The following FIP1L1 variants were observed in gnomAD, a reference collection of about 807,000 sequenced individuals.
The protein encoded by FIP1L1 is factor interacting with PAPOLA and CPSF1.
A neutral mutation model predicts 84.6 loss-of-function variants in FIP1L1; 21 were observed. The observed-to-expected ratio is 0.25, with a 90% CI of 0.18 to 0.36. The LOEUF (loss-of-function observed/expected upper bound fraction) is 0.36. FIP1L1 is among the 10% of genes least tolerant of loss of function. The probability of loss-of-function intolerance (pLI) is 1.00; values close to 1 mark genes in which losing one functional copy is unlikely to be tolerated. For synonymous variants in FIP1L1, 263 were observed against 242.3 expected (o/e 1.09, Z -0.80); for missense variants, 526 against 751.1 (o/e 0.70, Z 3.50).
chr4:53,377,789 G>A lies in FIP1L1; in HGVS notation c.-50G>A. 1 of 1,492,708 alleles carries A rather than the reference G, an allele frequency of 6.7e-7. No homozygotes were observed. The highest frequency in any genetic ancestry group is 1.3e-5 in the South Asian group (1 of 76,942). 92.5% of individuals were successfully genotyped at this position (1,492,708 alleles called of 1,614,324 possible). ...CTCGGGGCTGCGAGGCTGGGGAAGG[G>A]GTTGGAGGGGGCTGTTGATCGCCGC... On this transcript the variant is annotated 5_prime_UTR_variant, in exon 1 of 18. Coordinates refer to ENST00000337488, the MANE Select transcript of FIP1L1 (RefSeq NM_030917.4).
At chr4:53,378,920 A>G in intron 1 of FIP1L1, 153 bp from the exon 2 acceptor site, 1 of 736,890 alleles carries the variant, frequency 1.4e-6, no homozygotes, top group Non-Finnish European at 2.2e-6. Context: ...TGAAATGTGA[A>G]TGTGTAGGAT....
At chr4:53,458,150 C>T (rs1409454898) in intron 16 of FIP1L1, among the ~76,000 whole-genome samples, 2 of 151,992 alleles carry the variant, frequency 1.3e-5, no homozygotes, top group Non-Finnish European at 1.5e-5. Flanking sequence ...TAGTAATAAA[C>T]CTAAAGTTTA....
chr4:53,387,848 G>T (rs1472846140), intron 5 of FIP1L1, among the ~76,000 whole-genome samples: 2 of 152,282 alleles, frequency 1.3e-5, no homozygotes, highest in South Asian at 2.1e-4. Flanking sequence ...TCTGAATTTG[G>T]ATTGTTAAAA....
rs532002055 is a variant in FIP1L1, at chr4:53,407,713, T to A, written c.816-6902T>A. 2.6e-5 allele frequency among the ~76,000 whole-genome samples: 4 copies of A among 152,334 alleles called. No individual in the cohort carries two copies. The South Asian group carries it at 8.3e-4, about 32-fold the overall frequency. ...TGCATATATATTTAGGATAGTTAGCTCTTCTTGTTGAATTGATCCCTTTAG... is the reference window on the plus strand; with the variant it reads ...TGCATATATATTTAGGATAGTTAGCACTTCTTGTTGAATTGATCCCTTTAG... On this transcript the variant is annotated intron_variant, in intron 10 of 17. Transcript: ENST00000337488.
At chr4:53,407,272 G>A (rs1363271783) in intron 10 of FIP1L1, among the ~76,000 whole-genome samples, 1 of 152,188 alleles carries the variant, frequency 6.6e-6, no homozygotes, top group African/African-American at 2.4e-5. Context: ...TATTTACCCA[G>A]TAGTCATTCA....
At chr4:53,391,962 T>C (rs1198898266) in intron 9 of FIP1L1, among the ~76,000 whole-genome samples, 4 of 152,194 alleles carry the variant, frequency 2.6e-5, no homozygotes, top group Non-Finnish European at 2.9e-5. Context: ...TCTTCAAAAA[T>C]CTTAGGCATT....
intron 17 of FIP1L1, 134 bp from the exon 18 acceptor site, chr4:53,459,168 T>A (rs529560788): frequency 1.1e-3 from 743 of 686,758 alleles, no homozygotes; most frequent in South Asian, 1.9e-3. Flanking sequence ...TTCCTCACAT[T>A]ATATTTATGA....
At chr4:53,425,801 T>C (rs1409417913) in intron 11 of FIP1L1, 71 bp from the exon 12 acceptor site, 7 of 1,106,102 alleles carry the variant, frequency 6.3e-6, no homozygotes, top group Non-Finnish European at 9.3e-6. Flanking sequence ...TGTTTTTATT[T>C]CTCACTGCTT....
intron 4 of FIP1L1, 58 bp downstream of exon 4, chr4:53,382,393 GT>G (rs2149278037): frequency 7.2e-7 from 1 of 1,394,704 alleles, no homozygotes; most frequent in East Asian, 2.3e-5. Context: ...TAGCTTCACA[GT>G]TTACATAGAA....
chr4:53,409,483 C>G (rs1056786546), intron 10 of FIP1L1, among the ~76,000 whole-genome samples: 1 of 152,208 alleles, frequency 6.6e-6, no homozygotes, highest in Non-Finnish European at 1.5e-5. Flanking sequence ...TGCCCGTTCT[C>G]AGATCTCCAG....
At position 53,459,405 on chromosome 4, in the gene FIP1L1, C is replaced by G. The variant is rs1181960343; in HGVS notation, c.1741C>G (p.Pro581Ala). The G allele has an allele frequency of 3.7e-6, 6 of 1,611,838 alleles. No homozygotes were observed. Among genetic ancestry groups the G allele is most frequent in the Non-Finnish European group, 5.1e-6 (6 of 1,179,278 alleles). Reference sequence around the variant, plus strand: ...AGAAGGAAAAGAAGCGGGCAGTGAGCCTGCCCCTGAACAGGAGAGCACCGA... The same window carrying G: ...AGAAGGAAAAGAAGCGGGCAGTGAGGCTGCCCCTGAACAGGAGAGCACCGA... The part of the protein sequence containing the change: ...SKEGKEAGSE[P>A]APEQESTEAT... Residue 581 changes from proline (P) to alanine (A), a missense_variant, in exon 18 of 18, where the codon CCT becomes GCT. Pro to Ala is a conservative substitution (Grantham distance 27). Around this residue, in one of 6 missense-constraint regions of FIP1L1, gnomAD observed 89 missense variants for 169.0 expected, o/e 0.53. Coordinates refer to ENST00000337488, the MANE Select transcript of FIP1L1 (RefSeq NM_030917.4).
chr4:53,425,909 ATAAC>A lies in FIP1L1; in HGVS notation c.964_967del (p.Thr322SerfsTer4). On this transcript the variant is annotated frameshift_variant, in exon 12 of 18. Coordinates refer to ENST00000337488, the MANE Select transcript of FIP1L1 (RefSeq NM_030917.4). LOFTEE classifies it high-confidence loss of function. ...GGCAATTGATGTTATCGGTCAGACT[ATAAC>A]TATCAGCCGAGTAGAAGGCAGGCGA... 6.2e-7 allele frequency: 1 copy of A among 1,612,238 alleles called. No homozygotes were observed. Among genetic ancestry groups the A allele is most frequent in the Non-Finnish European group, 8.5e-7 (1 of 1,178,644 alleles).
intron 16 of FIP1L1, 196 bp from the exon 17 acceptor site, chr4:53,458,457 C>T (rs1351647203): frequency 4.7e-5 from 20 of 430,018 alleles, no homozygotes; most frequent in Non-Finnish European, 6.6e-5. Context: ...TATTTATATT[C>T]TTAGCTCTAG....
In FIP1L1 at chr4:53,411,550, C is replaced by T. The variant is rs116679434; in HGVS notation, c.816-3065C>T. Among the ~76,000 whole-genome samples, 521 of 152,008 alleles carry T rather than the reference C, an allele frequency of 3.4e-3. 2 individuals are homozygous for T. Among genetic ancestry groups the T allele is most frequent in the African/African-American group, 8.8e-3 (363 of 41,452 alleles). On this transcript the variant is annotated intron_variant, in intron 10 of 17. Coordinates refer to ENST00000337488, the MANE Select transcript of FIP1L1 (RefSeq NM_030917.4). ...ATCTTTGAAAGTAAAATTGTATTGA[C>T]CTTAGGGAGAAAACAGTAAATGTTA... is the stretch of plus-strand genomic sequence containing the variant.
In FIP1L1 at chr4:53,459,428, C is replaced by T. The variant is rs746166595; in HGVS notation, c.1764C>T (p.Thr588=). 5.7e-5 allele frequency: 92 copies of T among 1,612,662 alleles called. No individual in the cohort carries two copies. Among genetic ancestry groups the T allele is most frequent in the Non-Finnish European group, 7.3e-5 (86 of 1,179,430 alleles). ...AGCCTGCCCCTGAACAGGAGAGCACCGAAGCTACACCTGCAGAATAGGCAT... is the reference window on the plus strand; with the variant it reads ...AGCCTGCCCCTGAACAGGAGAGCACTGAAGCTACACCTGCAGAATAGGCAT... The part of the protein sequence containing the change: ...GSEPAPEQES[T]EATPAE The change falls in exon 18 of 18, where the codon ACC becomes ACT. Residue 588 remains threonine (T), a synonymous_variant. Coordinates refer to ENST00000337488, the MANE Select transcript of FIP1L1 (RefSeq NM_030917.4).
At chr4:53,451,303 T>G (rs150825988) in intron 15 of FIP1L1, among the ~76,000 whole-genome samples, 3 of 151,714 alleles carry the variant, frequency 2.0e-5, no homozygotes, top group African/African-American at 4.8e-5. Flanking sequence ...GGGGGTTGTT[T>G]TTTTTTTTTC....
chr4:53,434,434 A>G (rs1370737569), intron 13 of FIP1L1, among the ~76,000 whole-genome samples: 3 of 152,000 alleles, frequency 2.0e-5, no homozygotes, highest in Admixed American at 6.6e-5. Flanking sequence ...ACACTGTAAG[A>G]GAATGAGCAT....
At chr4:53,381,757 T>C (rs1419373634) in intron 3 of FIP1L1, among the ~76,000 whole-genome samples, 2,770 of 68,832 alleles carry the variant, frequency 0.04, 59 homozygotes, top group Non-Finnish European at 0.077. Flanking sequence ...TGCATTCTTT[T>C]TTTTTTTTTT....
At chr4:53,453,969 C>T (rs1717551037) in intron 16 of FIP1L1, among the ~76,000 whole-genome samples, 2 of 152,112 alleles carry the variant, frequency 1.3e-5, no homozygotes, top group South Asian at 4.1e-4. Context: ...TACCACTTCC[C>T]TCAAAGAATT....
Sources: gnomAD v4.1 joint callset for allele counts (sites outside exome capture counted in the v4.1 genomes callset) on GRCh38, gnomAD v4.1.1 for gene constraint, gnomAD v4.1.1 regional missense constraint, MANE v1.5 for transcripts, NCBI Gene and HGNC (gene_info 2026-07-23, HGNC 2026-07-21) for gene names.